GXYLT1: variants seen among roughly 807,000 people sequenced by gnomAD.
GXYLT1 encodes the protein glycosyltransferase 8 domain containing 3.
A neutral mutation model predicts 54.0 loss-of-function variants in GXYLT1; 29 were observed. That is an observed-to-expected ratio of 0.54 (90% CI 0.40 to 0.73). GXYLT1 has a LOEUF of 0.73. Among genes scored for constraint, GXYLT1 ranks in the 30% least tolerant of loss-of-function variants. The pLI is 0.00. For missense variants in GXYLT1, 490 were observed against 553.4 expected (o/e 0.89, Z 1.15); for synonymous variants, 176 against 204.1 (o/e 0.86, Z 1.17).
At chr12:42,111,085 A>G (rs2065451309) in intron 3 of GXYLT1, among the ~76,000 whole-genome samples, 1 of 152,242 alleles carries the variant, frequency 6.6e-6, no homozygotes. Flanking sequence ...GCAGCAGTCT[A>G]TTACTATTCT....
At chr12:42,141,366 T>G (rs1261204340) in intron 1 of GXYLT1, among the ~76,000 whole-genome samples, 1 of 152,242 alleles carries the variant, frequency 6.6e-6, no homozygotes, top group East Asian at 1.9e-4. Context: ...TTTCAAAAAC[T>G]GTATAAGCCT....
chr12:42,138,583 A>G (rs1281132600), intron 1 of GXYLT1, among the ~76,000 whole-genome samples: 1 of 152,238 alleles, frequency 6.6e-6, no homozygotes, highest in African/African-American at 2.4e-5. Flanking sequence ...TGCGTAATAA[A>G]GGTAAACACG....
At chr12:42,100,960 T>C (rs2065386506) in intron 5 of GXYLT1, among the ~76,000 whole-genome samples, 1 of 151,742 alleles carries the variant, frequency 6.6e-6, no homozygotes, top group South Asian at 2.1e-4. Flanking sequence ...TGAATATATA[T>C]CTTACAAGAA....
At chr12:42,140,241 A>T (rs1408389471) in intron 1 of GXYLT1, among the ~76,000 whole-genome samples, 1 of 147,084 alleles carries the variant, frequency 6.8e-6, no homozygotes, top group Non-Finnish European at 1.5e-5. Flanking sequence ...GTGTGAAAAT[A>T]GTGCCCAAAC....
intron 5 of GXYLT1, among the ~76,000 whole-genome samples, chr12:42,099,600 C>G (rs572069876): frequency 1.3e-5 from 2 of 152,200 alleles, no homozygotes; most frequent in Non-Finnish European, 2.9e-5. Flanking sequence ...CGCCTGTAAT[C>G]CCGGCACTTT....
chr12:42,131,389 C>T (rs901224692), intron 1 of GXYLT1, among the ~76,000 whole-genome samples: 1 of 152,160 alleles, frequency 6.6e-6, no homozygotes. Flanking sequence ...CAAATGGCAA[C>T]AGTCTAAGGC....
Position 42,091,412 on chromosome 12 carries a change from T to G in GXYLT1, c.1162-3465A>C, listed in dbSNP as rs181796945. Among the ~76,000 whole-genome samples the G allele has an allele frequency of 6.1e-3, 928 of 151,610 alleles. 6 individuals carry two copies. The highest frequency in any genetic ancestry group is 0.01 in the Non-Finnish European group (700 of 67,710). On this transcript the variant is annotated intron_variant, in intron 7 of 7. Transcript: ENST00000398675. ...CCAGGGAAACTTAATTCTCTAATAG[T>G]AGATTTTTTTTAATACTCAAAGGAA...
intron 1 of GXYLT1, among the ~76,000 whole-genome samples, chr12:42,135,966 T>C (rs115748898): frequency 0.011 from 1,614 of 152,338 alleles, 31 homozygotes; most frequent in African/African-American, 0.037. Flanking sequence ...AGGAAAGATG[T>C]TTTTCTTTCT....
chr12:42,143,268 T>A (rs1204676319), intron 1 of GXYLT1, among the ~76,000 whole-genome samples: 1 of 152,198 alleles, frequency 6.6e-6, no homozygotes, highest in Non-Finnish European at 1.5e-5. Flanking sequence ...CATAAACAGT[T>A]TAGCTTCAAC....
chr12:42,114,208 C>T (rs2065477826), intron 3 of GXYLT1, among the ~76,000 whole-genome samples: 1 of 152,104 alleles, frequency 6.6e-6, no homozygotes, highest in Non-Finnish European at 1.5e-5. Context: ...CTTAACATCA[C>T]AATTAAAAGA....
intron 5 of GXYLT1, among the ~76,000 whole-genome samples, chr12:42,102,902 AT>A (rs1271344030): frequency 5.3e-5 from 8 of 151,900 alleles, no homozygotes; most frequent in African/African-American, 1.9e-4. Flanking sequence ...ATTTAATTTA[AT>A]TTAATAATTA....
intron 7 of GXYLT1, among the ~76,000 whole-genome samples, chr12:42,091,261 T>TG (rs1294015738): frequency 1.3e-5 from 2 of 151,912 alleles, no homozygotes; most frequent in Non-Finnish European, 2.9e-5. Context: ...AGATAATTAA[T>TG]CATCTGAAAT....
chr12:42,116,634 G>T (rs914820449), intron 3 of GXYLT1, among the ~76,000 whole-genome samples: 15 of 152,204 alleles, frequency 9.9e-5, no homozygotes, highest in Non-Finnish European at 1.8e-4. Context: ...AACAGCAGGT[G>T]CTGGAGAGGA....
At chr12:42,096,493 T>C (rs555051316) in intron 7 of GXYLT1, among the ~76,000 whole-genome samples, 2 of 152,214 alleles carry the variant, frequency 1.3e-5, no homozygotes, top group South Asian at 4.1e-4. Flanking sequence ...TTATAAATCA[T>C]TGGAGGAACA....
rs1184717787 is a variant in GXYLT1 at position 42,119,062 on chromosome 12, T to C, written c.424A>G (p.Ile142Val). Residue 142 changes from isoleucine to valine, a missense_variant, in exon 3 of 8, where the codon ATC (isoleucine) becomes GTC (valine). This residue lies in a region of GXYLT1 where 148 missense variants were observed against 210.7 expected (regional missense o/e 0.70). Transcript: ENST00000398675. The stretch of plus-strand genomic sequence containing the variant: ...AAAATATGGAATTGAAGAGGTTTGA[T>C]GCTGAAAATGATAGCTGACTTCAAC... ...TMLKSAIIFS[I>V]KPLQFHIFAE... The C allele has an allele frequency of 4.3e-6, 7 of 1,614,102 alleles. No individual in the cohort carries two copies. In the South Asian group the frequency reaches 5.5e-5, roughly 13 times the overall value.
At chr12:42,121,656 G>GA (rs71434385) in intron 2 of GXYLT1, among the ~76,000 whole-genome samples, 3,740 of 144,738 alleles carry the variant, frequency 0.026, 133 homozygotes, top group East Asian at 0.1. Flanking sequence ...GTTTCTCAAG[G>GA]AAAAAAAAAA....
intron 1 of GXYLT1, among the ~76,000 whole-genome samples, chr12:42,133,900 A>C (rs7132315): frequency 0.011 from 1,696 of 152,238 alleles, 30 homozygotes; most frequent in African/African-American, 0.038. Context: ...CCTTCAGTGA[A>C]AAATGGCAAA....
chr12:42,143,003 T>C (rs2136925201), intron 1 of GXYLT1, among the ~76,000 whole-genome samples: 1 of 152,286 alleles, frequency 6.6e-6, no homozygotes, highest in South Asian at 2.1e-4. Flanking sequence ...ATGATTATAT[T>C]GGATGTTTAT....
At chr12:42,127,975 G>T (rs760308387) in intron 2 of GXYLT1, among the ~76,000 whole-genome samples, 3 of 152,146 alleles carry the variant, frequency 2.0e-5, no homozygotes, top group Non-Finnish European at 2.9e-5. Context: ...TTCCCCACCA[G>T]TTCTTCATGG....
Sources: gnomAD v4.1 joint callset for allele counts (sites outside exome capture counted in the v4.1 genomes callset) on GRCh38, gnomAD v4.1.1 for gene constraint, gnomAD v4.1.1 regional missense constraint, MANE v1.5 for transcripts, NCBI Gene and HGNC (gene_info 2026-07-23, HGNC 2026-07-21) for gene names.